Variants in SAG observed in about 807,000 individuals in gnomAD.
SAG encodes S-antigen visual arrestin.
Under a neutral mutation model 55.0 loss-of-function variants are expected in SAG, and 45 were observed. That is an observed-to-expected ratio of 0.82 (90% CI 0.64 to 1.05). The LOEUF is 1.05. SAG is among the 50% of genes least tolerant of loss of function. The probability of loss-of-function intolerance (pLI) is 0.00; values close to 1 mark genes in which losing one functional copy is unlikely to be tolerated. For synonymous variants in SAG, 189 were observed against 197.4 expected (o/e 0.96, Z 0.36); for missense variants, 455 against 512.1 (o/e 0.89, Z 1.08).
chr2:233,337,095 CAA>C (rs5839479), intron 11 of SAG, among the ~76,000 whole-genome samples: 100 of 142,196 alleles, frequency 7.0e-4, no homozygotes, highest in Middle Eastern at 3.7e-3. Flanking sequence ...GACCCTGTCT[CAA>C]AAAAAAAAAA....
chr2:233,313,031 A>G (rs1177621726), intron 2 of SAG, among the ~76,000 whole-genome samples: 1 of 152,212 alleles, frequency 6.6e-6, no homozygotes, highest in Non-Finnish European at 1.5e-5. Context: ...TGTGGGATAG[A>G]TGAAAGCAGT....
chr2:233,345,436 T>C (rs573460783), intron 14 of SAG: 2 of 152,182 alleles, frequency 1.3e-5, no homozygotes, highest in African/African-American at 2.4e-5. Context: ...CCCGAGGACA[T>C]GGAAGGAGAA....
At chr2:233,309,445 C>T (rs769927174) in intron 2 of SAG, among the ~76,000 whole-genome samples, 181 bp downstream of exon 2, 2 of 151,778 alleles carry the variant, frequency 1.3e-5, no homozygotes, top group African/African-American at 2.4e-5. Flanking sequence ...GCCAGGAGTT[C>T]GAGACCAGCC....
chr2:233,320,822 C>T lies in SAG; in HGVS notation c.374C>T (p.Thr125Met), dbSNP rs137886124. 4,679 of 1,583,200 alleles carry T rather than the reference C, an allele frequency of 3.0e-3. 17 individuals are homozygous for T. Among genetic ancestry groups the T allele is most frequent in the Middle Eastern group, 6.7e-3 (40 of 6,004 alleles). The change falls in exon 5 of 16, where the codon ACG becomes ATG. Residue 125 changes from threonine to methionine, a missense_variant and splice_region_variant. Thr to Met is a moderately conservative substitution (Grantham distance 81, BLOSUM62 -1). Coordinates refer to ENST00000409110, the MANE Select transcript of SAG (RefSeq NM_000541.5). ...LGSNTYPFLLTFPDYLPCSVM... is the reference protein window; with the variant it reads ...LGSNTYPFLLMFPDYLPCSVM... ...AGCAACACGTACCCCTTTCTCCTGA[C>T]GGTGGGTGACTCCTCCGGCCAGCCC...
Position 233,320,740 on chromosome 2 carries a change from G to T in SAG, c.292G>T (p.Val98Leu). 1 of 1,606,356 alleles carries T rather than the reference G, an allele frequency of 6.2e-7. No homozygotes were observed. Among genetic ancestry groups the T allele is most frequent in the Non-Finnish European group, 8.5e-7 (1 of 1,176,620 alleles). The change falls in exon 5 of 16, where the codon GTG (valine) becomes TTG (leucine). Residue 98 changes from valine (V) to leucine (L), a missense_variant. Val to Leu is a conservative substitution (Grantham distance 32, BLOSUM62 1). Coordinates refer to ENST00000409110, the MANE Select transcript of SAG (RefSeq NM_000541.5). ...YFSRVQVYPP[V>L]GAASTPTKLQ... Reference sequence around the variant, plus strand: ...CTCCCGGGTCCAGGTGTATCCTCCTGTGGGGGCCGCGAGCACCCCCACAAA... The same window carrying T: ...CTCCCGGGTCCAGGTGTATCCTCCTTTGGGGGCCGCGAGCACCCCCACAAA...
chr2:233,334,219 G>C (rs1220163212), intron 10 of SAG: 2 of 152,202 alleles, frequency 1.3e-5, no homozygotes, highest in Admixed American at 6.5e-5. Context: ...TTAGCACTTG[G>C]CCTGGCACAC....
chr2:233,341,275 C>A (rs13416292), intron 13 of SAG, among the ~76,000 whole-genome samples: 27,031 of 152,154 alleles, frequency 0.18, 3,279 homozygotes, highest in African/African-American at 0.35. Context: ...TCCTGAGTAG[C>A]TGGGATTACA....
intron 14 of SAG, chr2:233,345,364 CAGAT>C (rs1559457098): frequency 1.3e-5 from 2 of 152,236 alleles, no homozygotes; most frequent in African/African-American, 4.8e-5. Flanking sequence ...TGAAGCCTGA[CAGAT>C]GGAGGTGCCA....
intron 14 of SAG, chr2:233,343,410 G>A: frequency 5.0e-6 from 1 of 200,278 alleles, no homozygotes; most frequent in South Asian, 6.0e-5. Context: ...GACAGTGGCA[G>A]TTATGGTAAG....
intron 2 of SAG, among the ~76,000 whole-genome samples, chr2:233,309,734 A>G (rs1241714212): frequency 6.6e-6 from 1 of 152,200 alleles, no homozygotes; most frequent in Non-Finnish European, 1.5e-5. Context: ...TGAGCTATAA[A>G]TGAGTGAATG....
intron 14 of SAG, chr2:233,345,050 T>C (rs1027099022): frequency 6.6e-6 from 1 of 152,124 alleles, no homozygotes; most frequent in African/African-American, 2.4e-5. Flanking sequence ...GCGACCCTCA[T>C]AGACACTCCC....
At chr2:233,316,522 G>A (rs1385032849) in intron 3 of SAG, among the ~76,000 whole-genome samples, 1 of 151,870 alleles carries the variant, frequency 6.6e-6, no homozygotes, top group East Asian at 1.9e-4. Context: ...TGTTGGCCAG[G>A]CTGGTCTCAA....
intron 10 of SAG, chr2:233,333,725 A>G (rs761479931): frequency 3.3e-5 from 5 of 152,026 alleles, no homozygotes; most frequent in Non-Finnish European, 1.5e-5. Context: ...TCTGAGCCCA[A>G]CCCCAAGGGC....
intron 11 of SAG, among the ~76,000 whole-genome samples, chr2:233,337,222 C>G (rs1033844199): frequency 6.8e-6 from 1 of 147,252 alleles, no homozygotes; most frequent in Non-Finnish European, 1.5e-5. Context: ...TAAAGATATT[C>G]TGTCCTCTTT....
chr2:233,334,860 C>G (rs1700871733), intron 10 of SAG, 102 bp from the exon 11 acceptor site: 1 of 1,407,372 alleles, frequency 7.1e-7, no homozygotes, highest in Non-Finnish European at 9.9e-7. Flanking sequence ...GGAGGTCCAT[C>G]AGGGGATGTG....
rs1284177097 is a variant in SAG at position 233,346,944 on chromosome 2, T to C, written c.*32T>C. ...CGGCTCAGGATGCCGGAAAATGACCTGTAGTTACCAGTGCAACGAGCAAAG... is the reference window on the plus strand; with the variant it reads ...CGGCTCAGGATGCCGGAAAATGACCCGTAGTTACCAGTGCAACGAGCAAAG... On this transcript the variant is annotated 3_prime_UTR_variant, in exon 16 of 16. Coordinates refer to ENST00000409110, the MANE Select transcript of SAG (RefSeq NM_000541.5). The C allele has an allele frequency of 1.5e-6, 2 of 1,313,190 alleles. No individual in the cohort carries two copies. The highest frequency in any genetic ancestry group is 4.7e-5 in the East Asian group (2 of 42,678). The allele number at this position is 1,313,190 out of a possible 1,614,324, so 81.3% of individuals were successfully genotyped here.
chr2:233,309,673 G>C (rs759691885), intron 2 of SAG, among the ~76,000 whole-genome samples: 1 of 152,122 alleles, frequency 6.6e-6, no homozygotes, highest in African/African-American at 2.4e-5. Context: ...CACTGTGAGG[G>C]CCAGGGAAGC....
At chr2:233,329,286 C>T in intron 8 of SAG, 1 of 531,810 alleles carries the variant, frequency 1.9e-6, no homozygotes, top group Non-Finnish European at 3.4e-6. Flanking sequence ...ATGATCGGAA[C>T]TCTGTTCCCC....
At chr2:233,324,038 C>T (rs942061666) in intron 6 of SAG, among the ~76,000 whole-genome samples, 4 of 152,050 alleles carry the variant, frequency 2.6e-5, no homozygotes, top group Admixed American at 2.0e-4. Flanking sequence ...AGGTAGAGGG[C>T]GCACCTCGCC....
Sources: allele counts gnomAD v4.1 joint callset (sites outside exome capture counted in the v4.1 genomes callset), GRCh38; gene constraint gnomAD v4.1.1; transcripts MANE v1.5; gene names NCBI Gene and HGNC (gene_info 2026-07-23, HGNC 2026-07-21).